Variants in TLCD3B observed in about 807,000 individuals in gnomAD.
TLCD3B encodes the protein TLC domain containing 3B, also known as ceramide synthase.
In TLCD3B, 9 loss-of-function variants were observed where a neutral mutation model predicts 23.0. The observed-to-expected ratio is 0.39, with a 90% CI of 0.24 to 0.68. The LOEUF (loss-of-function observed/expected upper bound fraction) is 0.68, where lower values mean the gene tolerates loss of function less well. TLCD3B is among the 30% of genes least tolerant of loss of function. TLCD3B has a pLI of 0.44. For missense variants in TLCD3B, 307 were observed against 371.8 expected (o/e 0.83, Z 1.43); for synonymous variants, 161 against 161.0 (o/e 1.00, Z 0.00).
upstream of TLCD3B, chr16:30,036,226 G>A: frequency 7.8e-7 from 1 of 1,289,104 alleles, no homozygotes; most frequent in South Asian, 1.2e-5. Flanking sequence ...TTGGAAAAAG[G>A]AAGGGAGGGG....
upstream of TLCD3B, chr16:30,036,189 T>G (rs1173631207): frequency 7.8e-7 from 1 of 1,288,074 alleles, no homozygotes; most frequent in African/African-American, 1.5e-5. Flanking sequence ...GAAAGGGAGG[T>G]TGATGTTTCT....
At chr16:30,036,474 G>C (rs1290494217) in intron 3 of TLCD3B, 2 of 1,192,334 alleles carry the variant, frequency 1.7e-6, no homozygotes, top group Non-Finnish European at 2.1e-6. Flanking sequence ...CTGCCATCCT[G>C]CCTTCCTGAA....
chr16:30,036,483 A>T, intron 3 of TLCD3B: 1 of 1,159,054 alleles, frequency 8.6e-7, no homozygotes, highest in Non-Finnish European at 1.1e-6. Context: ...TGCCTTCCTG[A>T]AGTGTCTTCC....
chr16:30,029,456 G>C lies in TLCD3B; in HGVS notation c.185C>G (p.Ser62Cys). 6.2e-7 allele frequency: 1 copy of C among 1,614,054 alleles called. No individual in the cohort carries two copies. The highest frequency in any genetic ancestry group is 8.5e-7 in the Non-Finnish European group (1 of 1,179,970). Reference sequence around the variant, plus strand: ...CTGGTCATCAATGATGTGCTTGCAGGAGGTGGAGACGATGTAGCCGGCAGT... The same window carrying C: ...CTGGTCATCAATGATGTGCTTGCAGCAGGTGGAGACGATGTAGCCGGCAGT... ...ASTAGYIVST[S>C]CKHIIDDQHW... Residue 62 changes from serine (S) to cysteine (C), a missense_variant, in exon 2 of 5, where the codon TCC becomes TGC. Coordinates refer to ENST00000380495, the MANE Select transcript of TLCD3B (RefSeq NM_031478.6). This position sits in a 1 kb window ranked among gnomAD's most constrained non-coding sequence, Gnocchi z 4.6.
intron 3 of TLCD3B, among the ~76,000 whole-genome samples, chr16:30,037,091 T>C (rs1283909325): frequency 1.4e-5 from 2 of 145,156 alleles, no homozygotes; most frequent in Non-Finnish European, 3.0e-5. Context: ...AAAAAATAAA[T>C]AAATAAATAA....
chr16:30,026,581 C>A, intron 3 of TLCD3B, 28 bp downstream of exon 3: 1 of 1,594,654 alleles, frequency 6.3e-7, no homozygotes, highest in South Asian at 1.1e-5. Flanking sequence ...CCACCCGCAC[C>A]CCGCCCGCCC....
intron 2 of TLCD3B, chr16:30,041,254 C>A (rs1335813259): frequency 1.3e-5 from 2 of 151,880 alleles, no homozygotes; most frequent in Admixed American, 1.3e-4. Flanking sequence ...TATTTTATTT[C>A]TTTATGTATT....
At chr16:30,051,919 C>A (rs2071762318) in intron 1 of TLCD3B, among the ~76,000 whole-genome samples, 2 of 152,162 alleles carry the variant, frequency 1.3e-5, no homozygotes, top group Admixed American at 6.6e-5. Context: ...AAATGTGAGA[C>A]CCTACACACT....
intron 1 of TLCD3B, among the ~76,000 whole-genome samples, chr16:30,047,812 T>G (rs2071696698): frequency 6.8e-6 from 1 of 147,686 alleles, no homozygotes; most frequent in Admixed American, 6.9e-5. Context: ...CATGCTGGAG[T>G]GGAGTGGTGT....
At chr16:30,036,968 C>T (rs2071485902) in intron 3 of TLCD3B, among the ~76,000 whole-genome samples, 1 of 151,520 alleles carries the variant, frequency 6.6e-6, no homozygotes, top group African/African-American at 2.4e-5. Context: ...ACCTGTAATC[C>T]CAGCTATTCA....
chr16:30,036,298 C>G (rs563496264), intron 3 of TLCD3B: 1 of 1,289,040 alleles, frequency 7.8e-7, no homozygotes, highest in Admixed American at 2.3e-5. Context: ...AAAGCCAAAG[C>G]GATTGTTGTT....
chr16:30,026,584 G>T, intron 3 of TLCD3B, 25 bp downstream of exon 3: 2 of 895,272 alleles, frequency 2.2e-6, no homozygotes, highest in Non-Finnish European at 3.6e-6. Flanking sequence ...CCCGCACCCC[G>T]CCCGCCCAGC....
upstream of TLCD3B, chr16:30,032,689 C>G (rs1267365644): frequency 1.4e-5 from 2 of 147,460 alleles, no homozygotes; most frequent in Admixed American, 1.4e-4. Flanking sequence ...TTCTGTCCCC[C>G]AGGCTGGAGT....
chr16:30,030,360 C>T (rs2071316728), intron 1 of TLCD3B, 43 bp downstream of exon 1: 2 of 1,510,398 alleles, frequency 1.3e-6, no homozygotes, highest in African/African-American at 1.4e-5. Context: ...CCCTGAGAAG[C>T]CCAAGAAGCA....
intron 1 of TLCD3B, among the ~76,000 whole-genome samples, chr16:30,049,164 G>A (rs2071714842): frequency 6.6e-6 from 1 of 152,144 alleles, no homozygotes; most frequent in African/African-American, 2.4e-5. Flanking sequence ...CCTCCTGTAA[G>A]GATTAAGTAA....
At chr16:30,040,524 G>C (rs1232707115) in intron 3 of TLCD3B, among the ~76,000 whole-genome samples, 1 of 152,030 alleles carries the variant, frequency 6.6e-6, no homozygotes, top group Non-Finnish European at 1.5e-5. Context: ...CTGGAGAAAA[G>C]GAGGCGAAGA....
intron 3 of TLCD3B, among the ~76,000 whole-genome samples, 196 bp downstream of exon 3, chr16:30,026,413 G>A (rs544090300): frequency 6.6e-6 from 1 of 152,250 alleles, no homozygotes; most frequent in Admixed American, 6.5e-5. Context: ...CCAGCCCAGG[G>A]CCAGGCTGCC....
At chr16:30,032,981 G>A (rs2071397719), upstream of TLCD3B, 1 of 152,180 alleles carries the variant, frequency 6.6e-6, no homozygotes, top group Admixed American at 6.5e-5. Context: ...GTTGCAGCCG[G>A]GCAAGGTGTC....
In TLCD3B at chr16:30,025,153, T is replaced by G. The variant is rs1287673323; in HGVS notation, c.*30A>C. On this transcript the variant is annotated 3_prime_UTR_variant, in exon 5 of 5. Transcript: ENST00000380495. The surrounding 1 kb of genome is among the most constrained non-coding windows in gnomAD (Gnocchi z 4.1). ...AGCCCTGTCTCCACGGGGGTGGGGG[T>G]GGGGAGGGGGAGGGTCCCGGCCCCC... The G allele has an allele frequency of 1.8e-5, 23 of 1,283,156 alleles. No homozygotes were observed. The highest frequency in any genetic ancestry group is 3.1e-5 in the Admixed American group (1 of 32,174). 79.5% of individuals were successfully genotyped at this position (1,283,156 alleles called of 1,614,324 possible).
Sources: allele counts gnomAD v4.1 joint callset (sites outside exome capture counted in the v4.1 genomes callset), GRCh38; gene constraint gnomAD v4.1.1; non-coding constraint Gnocchi (gnomAD v3.1); transcripts MANE v1.5; gene names NCBI Gene and HGNC (gene_info 2026-07-23, HGNC 2026-07-21).